Variants in UBE2F observed in about 807,000 individuals in gnomAD.
UBE2F encodes ubiquitin conjugating enzyme E2 F (putative), also known as NEDD8-conjugating enzyme UBE2F.
A neutral mutation model predicts 29.6 loss-of-function variants in UBE2F; 5 were observed. The ratio of observed to expected loss-of-function variants is 0.17; its 90% CI spans 0.09 to 0.36. The LOEUF (loss-of-function observed/expected upper bound fraction) is 0.36. Ranked by LOEUF, UBE2F falls within the 10% of genes least tolerant of loss-of-function variation. UBE2F has a pLI of 1.00. For missense variants in UBE2F, 141 were observed against 228.5 expected, an observed-to-expected ratio of 0.62 and a Z score of 2.47; for synonymous variants, 66 against 81.8, an observed-to-expected ratio of 0.81 and a Z score of 1.04.
intron 2 of UBE2F, among the ~76,000 whole-genome samples, chr2:237,985,883 TC>T (rs756677337): frequency 7.6e-4 from 116 of 152,340 alleles, no homozygotes; most frequent in Non-Finnish European, 1.2e-3. Context: ...TAGCAGCCAT[TC>T]TAACAGGTGT....
chr2:238,028,680 GT>G (rs1193934997), intron 6 of UBE2F, among the ~76,000 whole-genome samples: 2 of 151,878 alleles, frequency 1.3e-5, no homozygotes, highest in Admixed American at 1.3e-4. Context: ...TTAGTTATCT[GT>G]TTTTTTTAAC....
At chr2:237,970,803 G>T (rs2063161693) in intron 1 of UBE2F, among the ~76,000 whole-genome samples, 1 of 152,174 alleles carries the variant, frequency 6.6e-6, no homozygotes, top group South Asian at 2.1e-4. Flanking sequence ...CACCTCCCGG[G>T]TTCAACCTAT....
In UBE2F at chr2:238,041,402, G is replaced by C; in HGVS notation, c.*64G>C. 1 of 1,571,830 alleles carries C rather than the reference G, an allele frequency of 6.4e-7. No homozygotes were observed. Among genetic ancestry groups the C allele is most frequent in the Admixed American group, 1.7e-5 (1 of 59,836 alleles). On this transcript the variant is annotated 3_prime_UTR_variant, in exon 10 of 10. Transcript: ENST00000272930. ...GTTTGTCTCTAACATGAAACAGCAA[G>C]AGGTAGCCCCCTCTCCCGTCCTCAT... is the stretch of plus-strand genomic sequence containing the variant.
chr2:237,981,591 A>G (rs928237664), intron 2 of UBE2F, among the ~76,000 whole-genome samples: 4 of 131,742 alleles, frequency 3.0e-5, no homozygotes, highest in African/African-American at 1.1e-4. Flanking sequence ...TGTGAGCCTG[A>G]TGCTCATCTT....
chr2:238,004,963 C>G (rs900643202), intron 4 of UBE2F, among the ~76,000 whole-genome samples: 6 of 152,144 alleles, frequency 3.9e-5, no homozygotes, highest in Non-Finnish European at 8.8e-5. Flanking sequence ...AAAGAGACAG[C>G]CTTTTCTGGG....
intron 5 of UBE2F, 44 bp downstream of exon 5, chr2:238,016,677 G>A: frequency 3.8e-6 from 6 of 1,564,804 alleles, no homozygotes; most frequent in Non-Finnish European, 5.2e-6. Context: ...TCTCGGGCGG[G>A]GCTGCCTGTG....
At chr2:237,989,748 T>C (rs944074199) in intron 3 of UBE2F, among the ~76,000 whole-genome samples, 5 of 152,252 alleles carry the variant, frequency 3.3e-5, no homozygotes, top group Non-Finnish European at 7.3e-5. Context: ...GAAAGTGTTT[T>C]GAAAGACACT....
intron 9 of UBE2F, among the ~76,000 whole-genome samples, chr2:238,037,748 G>C (rs821511): frequency 0.4 from 60,562 of 152,050 alleles, 12,402 homozygotes; most frequent in East Asian, 0.71. Context: ...TGGGACTGTG[G>C]GCATGCGCCA....
chr2:237,970,645 C>T (rs774251210), intron 1 of UBE2F, among the ~76,000 whole-genome samples: 4 of 152,168 alleles, frequency 2.6e-5, no homozygotes, highest in Non-Finnish European at 5.9e-5. Context: ...TCCGTGTCCT[C>T]TAGTGGAAAA....
intron 2 of UBE2F, among the ~76,000 whole-genome samples, chr2:237,985,172 A>C (rs1238252228): frequency 6.6e-6 from 1 of 152,208 alleles, no homozygotes; most frequent in Non-Finnish European, 1.5e-5. Context: ...TAGGTTGTTT[A>C]CTACAGTCAG....
intron 9 of UBE2F, among the ~76,000 whole-genome samples, chr2:238,036,411 C>T (rs1379519949): frequency 1.3e-5 from 2 of 152,018 alleles, no homozygotes; most frequent in African/African-American, 4.8e-5. Context: ...AACGGTTGGC[C>T]TCAAGCAATC....
chr2:237,967,088 T>A lies in UBE2F; in HGVS notation c.-61T>A. On this transcript the variant is annotated 5_prime_UTR_variant, in exon 1 of 10. It removes an upstream start codon present in the reference 5' UTR. Coordinates refer to ENST00000272930, the MANE Select transcript of UBE2F (RefSeq NM_080678.3). This position sits in a 1 kb window ranked among gnomAD's most constrained non-coding sequence, Gnocchi z 6.3. ...TCGCAGCAGCCGCCCGGACCGGGCA[T>A]GGTGTTGGGCGCCGGGCCCGCCTCG... The A allele has an allele frequency of 7.4e-7, 1 of 1,345,688 alleles. No individual in the cohort carries two copies. Among genetic ancestry groups the A allele is most frequent in the Non-Finnish European group, 9.6e-7 (1 of 1,045,606 alleles). The allele number at this position is 1,345,688 out of a possible 1,614,324, so 83.4% of individuals were successfully genotyped here. A position where few individuals can be genotyped will look rare whatever the true frequency, so the allele number is the denominator to read the frequency against.
intron 9 of UBE2F, among the ~76,000 whole-genome samples, chr2:238,036,524 A>T (rs1458499251): frequency 6.6e-6 from 1 of 151,988 alleles, no homozygotes; most frequent in Non-Finnish European, 1.5e-5. Context: ...AGAATTTAGT[A>T]TGAGTAATTT....
At position 237,996,701 on chromosome 2, in the gene UBE2F, C is replaced by G. The variant is rs532684231; in HGVS notation, c.214+1892C>G. Among the ~76,000 whole-genome samples, 9 of 152,052 alleles carry G rather than the reference C, an allele frequency of 5.9e-5. No individual in the cohort carries two copies. The South Asian group carries it at 1.9e-3, about 32-fold the overall frequency. ...GTGTTGGCCAGGCTAGTCTCAAACT[C>G]CTAACCTCAGGTGATCTGCCAGCCT... On this transcript the variant is annotated intron_variant, in intron 4 of 9. Coordinates refer to ENST00000272930, the MANE Select transcript of UBE2F (RefSeq NM_080678.3).
rs921030807 is a variant in UBE2F, at chr2:237,967,154, C to G, written c.-17+22C>G. On this transcript the variant is annotated intron_variant, in intron 1 of 9. Transcript: ENST00000272930. The surrounding 1 kb of genome is among the most constrained non-coding windows in gnomAD (Gnocchi z 6.3). ...CCAGGTGAGGAGCGACCGTGCGGCTCTGCGGCGGGGCGAGGTGCGGCCGCC... is the reference window on the plus strand; with the variant it reads ...CCAGGTGAGGAGCGACCGTGCGGCTGTGCGGCGGGGCGAGGTGCGGCCGCC... 3 of 1,210,432 alleles carry G rather than the reference C, an allele frequency of 2.5e-6. No individual in the cohort carries two copies. Among genetic ancestry groups the G allele is most frequent in the Non-Finnish European group, 3.1e-6 (3 of 973,060 alleles). 75.0% of individuals were successfully genotyped at this position (1,210,432 alleles called of 1,614,324 possible).
intron 4 of UBE2F, among the ~76,000 whole-genome samples, chr2:238,000,097 C>T (rs1176968312): frequency 6.6e-6 from 1 of 152,176 alleles, no homozygotes; most frequent in Non-Finnish European, 1.5e-5. Flanking sequence ...GCTGGGATTA[C>T]AAGCGTGAGC....
At chr2:238,030,737 C>T (rs1448194168) in intron 7 of UBE2F, 124 bp downstream of exon 7, 11 of 719,356 alleles carry the variant, frequency 1.5e-5, no homozygotes, top group African/African-American at 8.8e-5. Flanking sequence ...GCCGGACACA[C>T]CCTGCCTCCT....
intron 6 of UBE2F, among the ~76,000 whole-genome samples, chr2:238,028,585 G>T (rs185055789): frequency 2.0e-5 from 3 of 152,186 alleles, no homozygotes; most frequent in African/African-American, 7.2e-5. Flanking sequence ...GTAGAAAGAC[G>T]TCCACCCAGT....
chr2:238,000,236 G>A (rs557351232), intron 4 of UBE2F, among the ~76,000 whole-genome samples: 2 of 152,188 alleles, frequency 1.3e-5, no homozygotes, highest in Admixed American at 6.5e-5. Flanking sequence ...TTAGCTAAAG[G>A]TTTATGCAGT....
Sources: allele counts gnomAD v4.1 joint callset (sites outside exome capture counted in the v4.1 genomes callset), GRCh38; gene constraint gnomAD v4.1.1; non-coding constraint Gnocchi (gnomAD v3.1); transcripts MANE v1.5; gene names NCBI Gene and HGNC (gene_info 2026-07-23, HGNC 2026-07-21).